The following EPB41 variants were observed in gnomAD, a reference collection of about 807,000 sequenced individuals.
EPB41 encodes erythrocyte membrane protein band 4.1.
Under a neutral mutation model 108.0 loss-of-function variants are expected in EPB41, and 65 were observed. That is an observed-to-expected ratio of 0.60 (90% CI 0.49 to 0.74). The LOEUF (loss-of-function observed/expected upper bound fraction) is 0.74, where lower values mean the gene tolerates loss of function less well. Among genes scored for constraint, EPB41 ranks in the 30% least tolerant of loss-of-function variants. The probability of loss-of-function intolerance (pLI) is 0.00; values close to 1 mark genes in which losing one functional copy is unlikely to be tolerated. For synonymous variants in EPB41, 336 were observed against 358.9 expected (o/e 0.94, Z 0.72); for missense variants, 875 against 1,037.0 (o/e 0.84, Z 2.15).
chr1:28,939,198 T>G (rs1328004607), intron 1 of EPB41, among the ~76,000 whole-genome samples: 1 of 152,182 alleles, frequency 6.6e-6, no homozygotes, highest in Non-Finnish European at 1.5e-5. Flanking sequence ...AAGTGATTTT[T>G]TATCATGAAA....
intron 17 of EPB41, among the ~76,000 whole-genome samples, chr1:29,102,441 C>T (rs1665743713): frequency 6.6e-6 from 1 of 152,094 alleles, no homozygotes; most frequent in South Asian, 2.1e-4. Context: ...AAAAAACCAA[C>T]AACCAAAACG....
At chr1:28,888,954 A>T (rs1053926993) in intron 1 of EPB41, among the ~76,000 whole-genome samples, 6 of 152,170 alleles carry the variant, frequency 3.9e-5, no homozygotes, top group Non-Finnish European at 8.8e-5. Flanking sequence ...AGCCAGGAGA[A>T]ACTTTGCGCA....
At chr1:28,971,215 C>A (rs2095489584) in intron 1 of EPB41, among the ~76,000 whole-genome samples, 1 of 115,132 alleles carries the variant, frequency 8.7e-6, no homozygotes, top group Non-Finnish European at 1.7e-5. Flanking sequence ...GGACAGTGTC[C>A]CTCTGTCGCC....
chr1:28,947,513 G>C (rs181414027), intron 1 of EPB41, among the ~76,000 whole-genome samples: 9 of 152,256 alleles, frequency 5.9e-5, no homozygotes, highest in Non-Finnish European at 1.2e-4. Context: ...GGGAAGTCTA[G>C]TGTTTGGATG....
At chr1:29,034,985 T>C (rs1340550421) in intron 9 of EPB41, among the ~76,000 whole-genome samples, 1 of 145,362 alleles carries the variant, frequency 6.9e-6, no homozygotes, top group Admixed American at 6.9e-5. Flanking sequence ...TTTTTTTTTT[T>C]TTTTTTTTTT....
intron 17 of EPB41, among the ~76,000 whole-genome samples, chr1:29,100,501 G>A (rs1573941668): frequency 6.8e-6 from 1 of 147,284 alleles, no homozygotes; most frequent in Non-Finnish European, 1.5e-5. Context: ...AAAAGCACGT[G>A]CATTGCAATT....
At chr1:29,112,481 G>T (rs1669505092) in intron 19 of EPB41, 33 bp downstream of exon 19, 1 of 1,580,188 alleles carries the variant, frequency 6.3e-7, no homozygotes, top group Non-Finnish European at 8.7e-7. Flanking sequence ...GGCCTGGGAG[G>T]GGTCCCTGGG....
Position 29,053,126 on chromosome 1 carries a change from C to T in EPB41, c.1659C>T (p.Asp553=), listed in dbSNP as rs1162664607. The change falls in exon 12 of 21, where the codon GAC becomes GAT. Residue 553 remains aspartate (D), a synonymous_variant. Coordinates refer to ENST00000343067, the MANE Select transcript of EPB41 (RefSeq NM_001376013.1). ...TAGCAGCAGCTGTCGATTCGGCAGA[C>T]CGAAGTCCTCGGCCCACTTCTGCAC... ...LDGAAAVDSA[D]RSPRPTSAPA... 1 of 1,614,180 alleles carries T rather than the reference C, an allele frequency of 6.2e-7. No individual in the cohort carries two copies. The highest frequency in any genetic ancestry group is 1.7e-5 in the Admixed American group (1 of 60,028).
intron 1 of EPB41, among the ~76,000 whole-genome samples, chr1:28,962,182 C>T (rs2095236829): frequency 6.6e-6 from 1 of 151,818 alleles, no homozygotes; most frequent in African/African-American, 2.4e-5. Context: ...TGCCTCAGGC[C>T]CCTGAGTAGC....
At chr1:28,957,258 T>C (rs2094992113) in intron 1 of EPB41, among the ~76,000 whole-genome samples, 2 of 152,252 alleles carry the variant, frequency 1.3e-5, no homozygotes. Context: ...AGAAGTAGTT[T>C]TTAGGCATCT....
chr1:28,971,180 C>CTTTTTTTTTTTTTTTTTTTTTTTTTT (rs1000130058), intron 1 of EPB41, among the ~76,000 whole-genome samples: 2 of 66,324 alleles, frequency 3.0e-5, no homozygotes, highest in African/African-American at 6.5e-5. Context: ...TTCTTTCTTT[C>CTTTTTTTTTTTTTTTTTTTTTTTTTT]TTTTTTTTTT....
chr1:28,990,940 G>A (rs1165239450), intron 2 of EPB41, among the ~76,000 whole-genome samples: 2 of 152,004 alleles, frequency 1.3e-5, no homozygotes, highest in Non-Finnish European at 2.9e-5. Context: ...TAGGTTATTT[G>A]TCTTCATGTG....
intron 1 of EPB41, among the ~76,000 whole-genome samples, chr1:28,904,161 G>A (rs1266950471): frequency 6.6e-6 from 1 of 150,890 alleles, no homozygotes; most frequent in Non-Finnish European, 1.5e-5. Flanking sequence ...CACCTTGCCC[G>A]GCCCAGCTTT....
intron 1 of EPB41, among the ~76,000 whole-genome samples, chr1:28,896,053 T>C (rs1351145013): frequency 1.3e-5 from 2 of 152,230 alleles, no homozygotes; most frequent in African/African-American, 4.8e-5. Flanking sequence ...TGACTTTGCA[T>C]CTTGCATCTA....
At chr1:28,972,716 C>G (rs1325837598) in intron 1 of EPB41, among the ~76,000 whole-genome samples, 1 of 151,684 alleles carries the variant, frequency 6.6e-6, no homozygotes, top group Non-Finnish European at 1.5e-5. Flanking sequence ...TCTCCCACCT[C>G]ACGTTCCTGT....
chr1:29,018,424 A>G lies in EPB41; in HGVS notation c.1106A>G (p.Glu369Gly). 6.2e-7 allele frequency: 1 copy of G among 1,614,216 alleles called. No individual in the cohort carries two copies. Among genetic ancestry groups the G allele is most frequent in the Non-Finnish European group, 8.5e-7 (1 of 1,180,024 alleles). ...AAGGAACTTGAAGAGAAGGTCATGGAACTGCATAAGTCATACAGGTGAATA... is the reference window on the plus strand; with the variant it reads ...AAGGAACTTGAAGAGAAGGTCATGGGACTGCATAAGTCATACAGGTGAATA... ...QTKELEEKVM[E>G]LHKSYRSMTP... The change falls in exon 7 of 21, where the codon GAA becomes GGA. Residue 369 changes from glutamate to glycine, a missense_variant. Transcript: ENST00000343067. This position sits in a 1 kb window ranked among gnomAD's most constrained non-coding sequence, Gnocchi z 4.4.
intron 4 of EPB41, among the ~76,000 whole-genome samples, chr1:29,006,666 A>C (rs897377995): frequency 5.9e-5 from 9 of 151,502 alleles, no homozygotes; most frequent in Non-Finnish European, 1.2e-4. Context: ...ATCAGTTGTT[A>C]CTCCTCCCCA....
chr1:28,963,897 C>G (rs757199853), intron 1 of EPB41, among the ~76,000 whole-genome samples: 7 of 152,156 alleles, frequency 4.6e-5, no homozygotes, highest in Non-Finnish European at 7.3e-5. Context: ...GAACAGTCAT[C>G]CTTCAGTTAG....
intron 14 of EPB41, 44 bp downstream of exon 14, chr1:29,058,896 C>G: frequency 6.7e-7 from 1 of 1,484,034 alleles, no homozygotes. Context: ...GCCATTTCAC[C>G]CATGCTGACT....
Sources: allele counts gnomAD v4.1 joint callset (sites outside exome capture counted in the v4.1 genomes callset), GRCh38; gene constraint gnomAD v4.1.1; non-coding constraint Gnocchi (gnomAD v3.1); transcripts MANE v1.5; gene names NCBI Gene and HGNC (gene_info 2026-07-23, HGNC 2026-07-21).